RGS5: variants seen among roughly 807,000 people sequenced by gnomAD.
RGS5 encodes the protein regulator of G protein signaling 5, also known as regulator of G-protein signalling 5.
Under a neutral mutation model 18.9 loss-of-function variants are expected in RGS5, and 20 were observed. That is an observed-to-expected ratio of 1.06 (90% CI 0.74 to 1.54). RGS5 has a LOEUF of 1.54. Among genes scored for constraint, RGS5 ranks in the 40% most tolerant of loss-of-function variants. RGS5 has a pLI of 0.00. For synonymous variants in RGS5, 57 were observed against 76.2 expected, an observed-to-expected ratio of 0.75 and a Z score of 1.31; for missense variants, 201 against 211.8, an observed-to-expected ratio of 0.95 and a Z score of 0.32.
intron 1 of RGS5, among the ~76,000 whole-genome samples, chr1:163,180,534 C>A (rs550733262): frequency 1.3e-5 from 2 of 152,014 alleles, no homozygotes; most frequent in Admixed American, 1.3e-4. Flanking sequence ...GAGAGCTGGG[C>A]TCCACCCCAA....
At chr1:163,311,168 C>T (rs1158845540) in intron 1 of RGS5, among the ~76,000 whole-genome samples, 2 of 152,204 alleles carry the variant, frequency 1.3e-5, no homozygotes, top group Non-Finnish European at 2.9e-5. Context: ...ACAAACCAAC[C>T]TCTGCTAGCT....
intron 2 of RGS5, among the ~76,000 whole-genome samples, chr1:163,282,987 TG>T (rs1374994441): frequency 6.6e-6 from 1 of 152,102 alleles, no homozygotes; most frequent in Non-Finnish European, 1.5e-5. Context: ...CATGGCAACA[TG>T]GATGAGACTG....
intron 2 of RGS5, among the ~76,000 whole-genome samples, chr1:163,250,794 T>C (rs1648087180): frequency 6.6e-6 from 1 of 152,176 alleles, no homozygotes; most frequent in Non-Finnish European, 1.5e-5. Context: ...AATAAATAAC[T>C]TCTAGGGTTG....
chr1:163,145,952 T>G lies in RGS5; in HGVS notation c.*1390A>C, dbSNP rs1479333256. 6.6e-6 allele frequency: 1 copy of G among 152,216 alleles called. No individual in the cohort carries two copies. The highest frequency in any genetic ancestry group is 1.5e-5 in the Non-Finnish European group (1 of 68,034). 9.4% of individuals were successfully genotyped at this position (152,216 alleles called of 1,614,324 possible). On this transcript the variant is annotated 3_prime_UTR_variant, in exon 5 of 5. Transcript: ENST00000313961. ...AAAAATCACCCTATTTCTTTTGAGT[T>G]AATATCCTCATCTCGATTACCCTCA...
rs189685735 is a variant in RGS5, at chr1:163,163,766, G to A, written c.156-1790C>T. Among the ~76,000 whole-genome samples the A allele has an allele frequency of 1.2e-4, 19 of 152,272 alleles. No homozygotes were observed. The East Asian group carries it at 3.7e-3, about 29-fold the overall frequency. On this transcript the variant is annotated intron_variant, in intron 2 of 4. Coordinates refer to ENST00000313961, the MANE Select transcript of RGS5 (RefSeq NM_003617.4). ...CTATTCATTGTTGACAGAAGCAGCA[G>A]GACATTAAATTATTAGACAAAAGAA...
chr1:163,166,311 A>T (rs1416131942), intron 2 of RGS5, among the ~76,000 whole-genome samples: 1 of 109,920 alleles, frequency 9.1e-6, no homozygotes, highest in East Asian at 2.8e-4. Flanking sequence ...GAGAACTCAA[A>T]AATACATGTT....
chr1:163,262,249 T>C (rs1250255701), intron 2 of RGS5, among the ~76,000 whole-genome samples: 2 of 119,522 alleles, frequency 1.7e-5, no homozygotes, highest in Admixed American at 8.5e-5. Flanking sequence ...GCTGGTGCGC[T>C]GCACCCACTA....
chr1:163,268,392 G>A (rs112367137), intron 2 of RGS5, among the ~76,000 whole-genome samples: 2,702 of 152,166 alleles, frequency 0.018, 77 homozygotes, highest in African/African-American at 0.06. Flanking sequence ...GAGAGTTAAA[G>A]TGACTTGACT....
At chr1:163,272,450 T>C (rs1356593661) in intron 2 of RGS5, among the ~76,000 whole-genome samples, 1 of 152,174 alleles carries the variant, frequency 6.6e-6, no homozygotes, top group Non-Finnish European at 1.5e-5. Flanking sequence ...GTATGGCTTC[T>C]GCTTTGGTCA....
chr1:163,189,782 G>A (rs943287729), intron 1 of RGS5, among the ~76,000 whole-genome samples: 2 of 152,180 alleles, frequency 1.3e-5, no homozygotes, highest in African/African-American at 2.4e-5. Context: ...CTTTTGCTAT[G>A]AGTGGGTAAA....
In RGS5 at chr1:163,202,856, C is replaced by T; in HGVS notation, c.-21G>A. 1 of 1,612,548 alleles carries T rather than the reference C, an allele frequency of 6.2e-7. No homozygotes were observed. ...CACATTTTGGCAGGTGGCTTAGCTC[C>T]TCCGCTTTAAGTACAACTTCTTAAC... On this transcript the variant is annotated 5_prime_UTR_variant, in exon 1 of 5. Coordinates refer to ENST00000313961, the MANE Select transcript of RGS5 (RefSeq NM_003617.4).
At chr1:163,190,018 G>A (rs1224025827) in intron 1 of RGS5, among the ~76,000 whole-genome samples, 1 of 152,190 alleles carries the variant, frequency 6.6e-6, no homozygotes, top group Non-Finnish European at 1.5e-5. Context: ...GTGTGAAGTG[G>A]TTATATTATG....
At chr1:163,171,880 C>T (rs927522302) in intron 1 of RGS5, among the ~76,000 whole-genome samples, 14 of 152,098 alleles carry the variant, frequency 9.2e-5, no homozygotes, top group Non-Finnish European at 1.6e-4. Context: ...CAATCACAAA[C>T]GGGTGCTTAA....
At chr1:163,240,016 A>C (rs541501796) in intron 2 of RGS5, among the ~76,000 whole-genome samples, 1 of 152,178 alleles carries the variant, frequency 6.6e-6, no homozygotes, top group South Asian at 2.1e-4. Context: ...GAACTTGAAA[A>C]AAGGTACAAC....
chr1:163,312,143 C>T (rs1395612336), intron 1 of RGS5, among the ~76,000 whole-genome samples: 1 of 152,166 alleles, frequency 6.6e-6, no homozygotes, highest in Non-Finnish European at 1.5e-5. Context: ...AGTGAGTTCT[C>T]ATGAGATCTG....
intron 1 of RGS5, among the ~76,000 whole-genome samples, chr1:163,175,784 T>C (rs1319868506): frequency 4.6e-5 from 7 of 152,190 alleles, no homozygotes; most frequent in Non-Finnish European, 1.0e-4. Flanking sequence ...TTTATATAAT[T>C]AATATATGAT....
intron 3 of RGS5, among the ~76,000 whole-genome samples, chr1:163,160,703 C>G (rs186411925): frequency 6.6e-6 from 1 of 152,320 alleles, no homozygotes; most frequent in Admixed American, 6.5e-5. Context: ...TTGTCATCTA[C>G]TCTGTGCCCA....
At chr1:163,220,445 T>C (rs1436055443), upstream of RGS5, among the ~76,000 whole-genome samples, 1 of 152,210 alleles carries the variant, frequency 6.6e-6, no homozygotes, top group Admixed American at 6.5e-5. Context: ...TCATATTTTA[T>C]GAATCTCCTT....
intron 2 of RGS5, among the ~76,000 whole-genome samples, chr1:163,270,775 G>C (rs1648699952): frequency 6.6e-6 from 1 of 152,096 alleles, no homozygotes; most frequent in South Asian, 2.1e-4. Context: ...CCTCTAGGGA[G>C]TTAGGCATCT....
Sources: gnomAD v4.1 joint callset for allele counts (sites outside exome capture counted in the v4.1 genomes callset) on GRCh38, gnomAD v4.1.1 for gene constraint, MANE v1.5 for transcripts, NCBI Gene and HGNC (gene_info 2026-07-23, HGNC 2026-07-21) for gene names.